The following SERPINB11 variants were observed in gnomAD, a reference collection of about 807,000 sequenced individuals.
The protein encoded by SERPINB11 is serpin family B member 11, also known as serpin B11.
A neutral mutation model predicts 36.7 loss-of-function variants in SERPINB11; 32 were observed. The ratio of observed to expected loss-of-function variants is 0.87; its 90% CI spans 0.66 to 1.17. SERPINB11 has a LOEUF of 1.17. Among genes scored for constraint, SERPINB11 ranks in the 50% most tolerant of loss-of-function variants. The pLI, the probability that SERPINB11 is intolerant of heterozygous loss-of-function variation, is 0.00. For missense variants in SERPINB11, 528 were observed against 458.4 expected, an observed-to-expected ratio of 1.15 and a Z score of -1.39; for synonymous variants, 174 against 168.1, an observed-to-expected ratio of 1.04 and a Z score of -0.27.
At chr18:63,718,373 G>A (rs1914721867) in intron 5 of SERPINB11, among the ~76,000 whole-genome samples, 1 of 151,916 alleles carries the variant, frequency 6.6e-6, no homozygotes, top group Admixed American at 6.6e-5. Context: ...CTATAGATTT[G>A]GAGAGAAAAT....
intron 1 of SERPINB11, chr18:63,705,290 T>G (rs2144527675): frequency 6.6e-6 from 1 of 152,312 alleles, no homozygotes; most frequent in East Asian, 1.9e-4. Flanking sequence ...TTGCCCAGGC[T>G]GGCTTCAAAC....
intron 7 of SERPINB11, among the ~76,000 whole-genome samples, chr18:63,721,554 A>G (rs1014473564): frequency 1.3e-5 from 2 of 152,226 alleles, no homozygotes; most frequent in African/African-American, 4.8e-5. Context: ...GACGTCTGGA[A>G]GCCTGCAGAA....
chr18:63,715,290 G>A (rs1473892351), intron 4 of SERPINB11, among the ~76,000 whole-genome samples: 3 of 152,122 alleles, frequency 2.0e-5, no homozygotes, highest in African/African-American at 7.2e-5. Context: ...TTGGCAGAAA[G>A]ACAACGGAAA....
chr18:63,715,376 C>T (rs17071547), intron 4 of SERPINB11, among the ~76,000 whole-genome samples: 56,518 of 151,878 alleles, frequency 0.37, 11,372 homozygotes, highest in East Asian at 0.61. Flanking sequence ...AGGAGGGCCT[C>T]CGGAGTAAAA....
chr18:63,714,844 C>T (rs919485770), intron 4 of SERPINB11, among the ~76,000 whole-genome samples: 9 of 151,794 alleles, frequency 5.9e-5, no homozygotes, highest in African/African-American at 1.9e-4. Flanking sequence ...CCTCAGCTTA[C>T]GAAGATGATG....
At chr18:63,707,618 A>G (rs568115320) in intron 1 of SERPINB11, among the ~76,000 whole-genome samples, 1 of 152,308 alleles carries the variant, frequency 6.6e-6, no homozygotes, top group South Asian at 2.1e-4. Context: ...CAGGGATATT[A>G]TCTCCTCCAG....
rs1195058881 is a variant in SERPINB11, at chr18:63,723,468, G to C, written c.*69G>C. ...GAGACAATCCTGTGACTTTCCCACG[G>C]CCAAAAAGCTGTTCACACCTCACAC... is the stretch of plus-strand genomic sequence containing the variant. On this transcript the variant is annotated 3_prime_UTR_variant, in exon 8 of 8. Transcript: ENST00000544088. 1 of 1,453,180 alleles carries C rather than the reference G, an allele frequency of 6.9e-7. No individual in the cohort carries two copies. The highest frequency in any genetic ancestry group is 9.3e-7 in the Non-Finnish European group (1 of 1,074,316). 90.0% of individuals were successfully genotyped at this position (1,453,180 alleles called of 1,614,324 possible).
chr18:63,711,831 G>T (rs373724537), intron 3 of SERPINB11, among the ~76,000 whole-genome samples: 2 of 152,162 alleles, frequency 1.3e-5, no homozygotes, highest in East Asian at 3.9e-4. Context: ...TCCAGTAGAA[G>T]GATTCATTTT....
At position 63,720,018 on chromosome 18, in the gene SERPINB11, G is replaced by T. The variant is rs935500448; in HGVS notation, c.481G>T (p.Val161Phe). The T allele has an allele frequency of 1.1e-5, 18 of 1,596,790 alleles. No homozygotes were observed. The highest frequency in any genetic ancestry group is 1.4e-5 in the Non-Finnish European group (17 of 1,173,822). ...TATCTTATTTTTTATACAAGGAAAA[G>T]TCGCAAATCTCTTTGGAAAGAGCAC... ...AWVENKTNGK[V>F]ANLFGKSTID... Residue 161 changes from valine to phenylalanine, a missense_variant, in exon 6 of 8, where the codon GTC becomes TTC. Coordinates refer to ENST00000544088, the MANE Select transcript of SERPINB11 (RefSeq NM_001370475.1).
intron 5 of SERPINB11, among the ~76,000 whole-genome samples, chr18:63,717,373 C>G (rs147427487): frequency 3.9e-5 from 6 of 151,946 alleles, no homozygotes; most frequent in African/African-American, 1.2e-4. Flanking sequence ...TATGTATGCA[C>G]TTTTATTGGG....
intron 6 of SERPINB11, 163 bp downstream of exon 6, chr18:63,720,318 G>A (rs1914775625): frequency 1.4e-5 from 9 of 665,302 alleles, no homozygotes; most frequent in South Asian, 1.2e-4. Flanking sequence ...TTTATTAAGT[G>A]ACAATAACTT....
chr18:63,707,529 C>T (rs1358143069), intron 1 of SERPINB11, among the ~76,000 whole-genome samples: 2 of 152,200 alleles, frequency 1.3e-5, no homozygotes, highest in East Asian at 1.9e-4. Flanking sequence ...AGTCTCTGCT[C>T]ATGCTATTCC....
Position 63,723,180 on chromosome 18 carries a change from G to A in SERPINB11, c.960G>A (p.Met320Ile), listed in dbSNP as rs1332308480. The A allele has an allele frequency of 6.2e-7, 1 of 1,613,058 alleles. No homozygotes were observed. Among genetic ancestry groups the A allele is most frequent in the Non-Finnish European group, 8.5e-7 (1 of 1,179,504 alleles). ...FNQVKADLSG[M>I]SPTKGLYLSK... ...AGGTCAAAGCTGATCTTTCTGGAAT[G>A]TCACCAACCAAGGGCCTATATTTAT... The change falls in exon 8 of 8, where the codon ATG becomes ATA. Residue 320 changes from methionine to isoleucine, a missense_variant. Met to Ile is a conservative substitution (Grantham distance 10). Coordinates refer to ENST00000544088, the MANE Select transcript of SERPINB11 (RefSeq NM_001370475.1).
chr18:63,712,216 G>A (rs1241608571), intron 3 of SERPINB11, among the ~76,000 whole-genome samples: 1 of 152,082 alleles, frequency 6.6e-6, no homozygotes, highest in Admixed American at 6.5e-5. Context: ...AAAGAGAAAC[G>A]ATTCTGTAAG....
At position 63,723,493 on chromosome 18, in the gene SERPINB11, C is replaced by T. The variant is rs1356322455; in HGVS notation, c.*94C>T. The T allele has an allele frequency of 2.6e-6, 3 of 1,171,270 alleles. No homozygotes were observed. Among genetic ancestry groups the T allele is most frequent in the East Asian group, 2.4e-5 (1 of 41,912 alleles). The allele number at this position is 1,171,270 out of a possible 1,614,324, so 72.6% of individuals were successfully genotyped here. ...GCCAAAAAGCTGTTCACACCTCACA[C>T]ACCTCTGTGCCTCAGTTTGCTCATC... On this transcript the variant is annotated 3_prime_UTR_variant, in exon 8 of 8. Coordinates refer to ENST00000544088, the MANE Select transcript of SERPINB11 (RefSeq NM_001370475.1).
At chr18:63,712,505 T>C in intron 3 of SERPINB11, 60 bp from the exon 4 acceptor site, 1 of 1,589,100 alleles carries the variant, frequency 6.3e-7, no homozygotes, top group Non-Finnish European at 8.6e-7. Flanking sequence ...ATAGTTATCA[T>C]TCTCCAATGG....
intron 4 of SERPINB11, among the ~76,000 whole-genome samples, chr18:63,715,466 A>G (rs887087538): frequency 6.6e-6 from 1 of 152,234 alleles, no homozygotes; most frequent in Admixed American, 6.5e-5. Flanking sequence ...TTATAGGTGA[A>G]CGAAATAATA....
chr18:63,719,300 T>C (rs894935827), intron 5 of SERPINB11, among the ~76,000 whole-genome samples: 2 of 152,140 alleles, frequency 1.3e-5, no homozygotes, highest in African/African-American at 4.8e-5. Flanking sequence ...TAGGTATTGC[T>C]ATCACATGCT....
At chr18:63,719,901 C>A in intron 5 of SERPINB11, 112 bp from the exon 6 acceptor site, 1 of 836,016 alleles carries the variant, frequency 1.2e-6, no homozygotes, top group South Asian at 2.4e-5. Flanking sequence ...TCTGGTATCT[C>A]AAATTTACAA....
Sources: gnomAD v4.1 joint callset for allele counts (sites outside exome capture counted in the v4.1 genomes callset) on GRCh38, gnomAD v4.1.1 for gene constraint, MANE v1.5 for transcripts, NCBI Gene and HGNC (gene_info 2026-07-23, HGNC 2026-07-21) for gene names.